The following ARHGEF3 variants were observed in gnomAD, a reference collection of about 807,000 sequenced individuals.
ARHGEF3 encodes the protein 59.8 kDA protein.
Under a neutral mutation model 63.2 loss-of-function variants are expected in ARHGEF3, and 28 were observed. That is an observed-to-expected ratio of 0.44 (90% CI 0.33 to 0.61). The LOEUF is 0.61. Among genes scored for constraint, ARHGEF3 ranks in the 20% least tolerant of loss-of-function variants. The pLI, the probability that ARHGEF3 is intolerant of heterozygous loss-of-function variation, is 0.03. For synonymous variants in ARHGEF3, 266 were observed against 254.2 expected (o/e 1.05, Z -0.44); for missense variants, 533 against 659.3 (o/e 0.81, Z 2.10).
intron 2 of ARHGEF3, among the ~76,000 whole-genome samples, chr3:56,980,406 G>A (rs1158531583): frequency 6.6e-6 from 1 of 152,194 alleles, no homozygotes; most frequent in African/African-American, 2.4e-5. Flanking sequence ...AAGAATGGCT[G>A]TATGGGGACT....
intron 1 of ARHGEF3, among the ~76,000 whole-genome samples, chr3:56,781,421 A>G (rs568272307): frequency 1.9e-4 from 26 of 137,226 alleles, no homozygotes; most frequent in African/African-American, 6.4e-4. Context: ...TAATTTTTGT[A>G]TTTTTAGTAA....
intron 6 of ARHGEF3, 113 bp from the exon 7 acceptor site, chr3:56,745,575 C>G: frequency 8.0e-7 from 1 of 1,250,486 alleles, no homozygotes; most frequent in Non-Finnish European, 1.1e-6. Flanking sequence ...CTGGGTCTGG[C>G]TGACATTCCT....
At chr3:56,762,030 T>C (rs2035448855) in intron 2 of ARHGEF3, among the ~76,000 whole-genome samples, 1 of 152,186 alleles carries the variant, frequency 6.6e-6, no homozygotes, top group Non-Finnish European at 1.5e-5. Context: ...GGCTCTCCTG[T>C]GCATTGTAGG....
intron 2 of ARHGEF3, among the ~76,000 whole-genome samples, chr3:57,013,215 C>T (rs887760294): frequency 6.6e-5 from 10 of 152,208 alleles, no homozygotes; most frequent in African/African-American, 2.4e-4. Flanking sequence ...CTCCATGGTG[C>T]CCATCCCATC....
At chr3:56,796,850 G>C (rs2037395275) in intron 1 of ARHGEF3, among the ~76,000 whole-genome samples, 1 of 152,076 alleles carries the variant, frequency 6.6e-6, no homozygotes, top group African/African-American at 2.4e-5. Context: ...TACAAAACAG[G>C]GCATTAATAC....
chr3:57,005,453 A>G (rs1006284647), intron 2 of ARHGEF3, among the ~76,000 whole-genome samples: 10 of 152,220 alleles, frequency 6.6e-5, no homozygotes, highest in African/African-American at 2.4e-4. Context: ...CCCCACTGCC[A>G]CACAGTCAAA....
chr3:56,980,503 C>T (rs1701285273), intron 2 of ARHGEF3, among the ~76,000 whole-genome samples: 1 of 152,320 alleles, frequency 6.6e-6, no homozygotes, highest in South Asian at 2.1e-4. Flanking sequence ...GGGTCGGGAC[C>T]ATATATAGTA....
intron 3 of ARHGEF3, among the ~76,000 whole-genome samples, chr3:56,897,292 C>A (rs1050902851): frequency 6.6e-5 from 10 of 152,130 alleles, no homozygotes; most frequent in Non-Finnish European, 5.9e-5. Context: ...ATTCTTAGGG[C>A]ACTTCATTAC....
chr3:56,952,457 C>T (rs893798279), intron 3 of ARHGEF3, among the ~76,000 whole-genome samples: 2 of 152,174 alleles, frequency 1.3e-5, no homozygotes, highest in African/African-American at 4.8e-5. Context: ...CTCACTTACA[C>T]CATGCCCTAA....
chr3:56,819,905 G>A (rs2038412350), intron 4 of ARHGEF3, among the ~76,000 whole-genome samples: 1 of 151,854 alleles, frequency 6.6e-6, no homozygotes, highest in Admixed American at 6.6e-5. Flanking sequence ...GACCTCCTGG[G>A]CTCAAGCATT....
At chr3:56,767,083 T>G in intron 2 of ARHGEF3, among the ~76,000 whole-genome samples, 1 of 148,398 alleles carries the variant, frequency 6.7e-6, no homozygotes, top group Non-Finnish European at 1.5e-5. Flanking sequence ...GCCAGGGTGG[T>G]AGGACTGCTT....
intron 4 of ARHGEF3, among the ~76,000 whole-genome samples, chr3:56,871,371 A>C (rs1158131882): frequency 6.6e-6 from 1 of 152,158 alleles, no homozygotes; most frequent in Non-Finnish European, 1.5e-5. Flanking sequence ...ATTTTCTACT[A>C]AAATACTGAG....
At chr3:56,945,978 G>A (rs1031693915) in intron 3 of ARHGEF3, among the ~76,000 whole-genome samples, 5 of 152,182 alleles carry the variant, frequency 3.3e-5, no homozygotes, top group African/African-American at 7.2e-5. Context: ...ACCAATATCT[G>A]CTGTTCTGCA....
rs1165621678 is a variant in ARHGEF3, at chr3:57,042,680, ATATATATATATATATATATATTTTT to A, written c.-27-7529_-27-7505del. Among the ~76,000 whole-genome samples the A allele has an allele frequency of 2.4e-3, 67 of 27,706 alleles. 3 individuals carry two copies. The highest frequency in any genetic ancestry group is 0.019 in the African/African-American group (63 of 3,350). 18.2% of individuals were successfully genotyped at this position (27,706 alleles called of 152,430 possible). A position where few individuals can be genotyped will look rare whatever the true frequency, so the allele number is the denominator to read the frequency against. ...TATATATATATATATATATATATAT[ATATATATATATATATATATATTTTT>A]TTTTTTTTTTAGACGGAGTCTCGCT... On this transcript the variant is annotated intron_variant, in intron 1 of 12. Transcript: ENST00000338458.
intron 2 of ARHGEF3, among the ~76,000 whole-genome samples, chr3:56,986,842 G>C (rs1701561262): frequency 6.6e-6 from 1 of 151,622 alleles, no homozygotes; most frequent in Admixed American, 6.6e-5. Context: ...AAATAGGTCT[G>C]GAGTGATGGT....
At chr3:56,994,476 T>C (rs1044360925) in intron 2 of ARHGEF3, among the ~76,000 whole-genome samples, 5 of 151,804 alleles carry the variant, frequency 3.3e-5, no homozygotes, top group Non-Finnish European at 7.4e-5. Flanking sequence ...GTGGATAACA[T>C]GACTATTTTT....
At chr3:56,861,511 A>G (rs921484584) in intron 4 of ARHGEF3, among the ~76,000 whole-genome samples, 5 of 152,174 alleles carry the variant, frequency 3.3e-5, no homozygotes, top group East Asian at 1.9e-4. Flanking sequence ...TTTGAGCCCA[A>G]TGGAGGCTTG....
chr3:56,883,502 G>A (rs977499504), intron 3 of ARHGEF3, among the ~76,000 whole-genome samples: 9 of 152,154 alleles, frequency 5.9e-5, no homozygotes, highest in Admixed American at 5.2e-4. Flanking sequence ...TTGCCATGTT[G>A]CCCAGGCTGG....
chr3:56,970,575 T>C (rs1409199797), intron 2 of ARHGEF3, among the ~76,000 whole-genome samples: 1 of 152,162 alleles, frequency 6.6e-6, no homozygotes, highest in Non-Finnish European at 1.5e-5. Context: ...CCACTCCCAC[T>C]TCCCCCTCCA....
Sources: gnomAD v4.1 joint callset for allele counts (sites outside exome capture counted in the v4.1 genomes callset) on GRCh38, gnomAD v4.1.1 for gene constraint, MANE v1.5 for transcripts, NCBI Gene and HGNC (gene_info 2026-07-23, HGNC 2026-07-21) for gene names.